Variants in KLHL32 observed in about 807,000 individuals in gnomAD.
KLHL32 encodes kelch like family member 32.
Under a neutral mutation model 64.8 loss-of-function variants are expected in KLHL32, and 35 were observed. That is an observed-to-expected ratio of 0.54 (90% CI 0.41 to 0.72). The LOEUF is 0.72. KLHL32 is among the 30% of genes least tolerant of loss of function. The pLI, the probability that KLHL32 is intolerant of heterozygous loss-of-function variation, is 0.00. For missense variants in KLHL32, 589 were observed against 768.5 expected (o/e 0.77, Z 2.76); for synonymous variants, 259 against 281.0 (o/e 0.92, Z 0.78).
In KLHL32 at chr6:97,018,556, A is replaced by G. The variant is rs1781550909; in HGVS notation, c.205-22936A>G. ...GCAGAGGTTGCAGCGAGCCGAGATC[A>G]CACCACTGTGCTCCAGCCTGGACGA... is the stretch of plus-strand genomic sequence containing the variant. On this transcript the variant is annotated intron_variant, in intron 3 of 10. Transcript: ENST00000369261. Among the ~76,000 whole-genome samples the G allele has an allele frequency of 2.0e-5, 3 of 151,200 alleles. No homozygotes were observed. In the South Asian group the frequency reaches 6.3e-4, roughly 32 times the overall value.
chr6:97,068,103 G>A (rs1790098284), intron 5 of KLHL32, among the ~76,000 whole-genome samples: 1 of 151,904 alleles, frequency 6.6e-6, no homozygotes, highest in Non-Finnish European at 1.5e-5. Flanking sequence ...TGAATTTTGT[G>A]TTACATCTCC....
intron 1 of KLHL32, among the ~76,000 whole-genome samples, chr6:96,937,815 G>A (rs1044152602): frequency 6.6e-6 from 1 of 152,102 alleles, no homozygotes; most frequent in Non-Finnish European, 1.5e-5. Context: ...CCTAGGGACT[G>A]TTGTCACTAA....
intron 3 of KLHL32, among the ~76,000 whole-genome samples, chr6:97,027,282 G>A (rs946014486): frequency 1.3e-5 from 2 of 152,102 alleles, no homozygotes; most frequent in African/African-American, 4.8e-5. Flanking sequence ...TTATACCCAT[G>A]ACAGACATTA....
upstream of KLHL32, among the ~76,000 whole-genome samples, chr6:96,921,484 T>C (rs1329195408): frequency 6.6e-6 from 1 of 152,194 alleles, no homozygotes; most frequent in East Asian, 1.9e-4. Flanking sequence ...TGTTATCCAC[T>C]TGAAAACTAG....
chr6:96,975,948 A>T, intron 2 of KLHL32, 49 bp from the exon 3 acceptor site: 1 of 1,450,540 alleles, frequency 6.9e-7, no homozygotes, highest in Non-Finnish European at 9.2e-7. Context: ...CAGCTGGCCC[A>T]CAGGGCTGGG....
chr6:96,927,662 G>T (rs1252491154), intron 1 of KLHL32, among the ~76,000 whole-genome samples: 3 of 152,160 alleles, frequency 2.0e-5, no homozygotes, highest in African/African-American at 7.2e-5. Flanking sequence ...ACTTCTCATG[G>T]TTCTCTTATT....
chr6:97,127,395 C>G lies in KLHL32; in HGVS notation c.1355-9C>G. The G allele has an allele frequency of 1.9e-6, 3 of 1,608,668 alleles. No homozygotes were observed. The highest frequency in any genetic ancestry group is 1.3e-5 in the African/African-American group (1 of 74,860). ...ATGAAAAGCTCTAACACATGTTAAT[C>G]CATTACAGGTGGAGTAACTAATACG... is the stretch of plus-strand genomic sequence containing the variant. On this transcript the variant is annotated splice_polypyrimidine_tract_variant and intron_variant, in intron 7 of 10. Transcript: ENST00000369261.
chr6:96,919,145 T>A, the KLHL32 span, among the ~76,000 whole-genome samples: 3 of 152,312 alleles, frequency 2.0e-5, no homozygotes, highest in African/African-American at 4.8e-5. Flanking sequence ...GGTTCCTGGC[T>A]TTACAAAAAG....
At chr6:96,966,885 A>G (rs2128033033) in intron 1 of KLHL32, 111 bp from the exon 2 acceptor site, 2 of 578,006 alleles carry the variant, frequency 3.5e-6, no homozygotes, top group Non-Finnish European at 6.4e-6. Context: ...TGGACAGTAA[A>G]GCTCTCCAAG....
chr6:96,941,760 T>C lies in KLHL32; in HGVS notation c.-66+16734T>C, dbSNP rs890261420. ...GTGTCACATAGCTGCCTTTTTTCTCTGATTTGTCCTTTACTGATCTCTTCC... is the reference window on the plus strand; with the variant it reads ...GTGTCACATAGCTGCCTTTTTTCTCCGATTTGTCCTTTACTGATCTCTTCC... On this transcript the variant is annotated intron_variant, in intron 1 of 10. Transcript: ENST00000369261. Among the ~76,000 whole-genome samples, 6 of 152,054 alleles carry C rather than the reference T, an allele frequency of 3.9e-5. 1 individual carries two copies. Among genetic ancestry groups the C allele is most frequent in the Admixed American group, 3.3e-4 (5 of 15,268 alleles).
intron 2 of KLHL32, among the ~76,000 whole-genome samples, chr6:96,968,861 A>G (rs1241556720): frequency 2.0e-5 from 3 of 151,976 alleles, no homozygotes; most frequent in African/African-American, 7.3e-5. Context: ...CTCACATCCC[A>G]TGTATTTCAA....
chr6:97,028,405 C>T (rs1192174329), intron 3 of KLHL32, among the ~76,000 whole-genome samples: 1 of 152,172 alleles, frequency 6.6e-6, no homozygotes, highest in Non-Finnish European at 1.5e-5. Flanking sequence ...ACAGGAGTCT[C>T]TTCTGGTCTT....
chr6:97,013,658 GTA>G (rs1244479103), intron 3 of KLHL32, among the ~76,000 whole-genome samples: 9 of 152,122 alleles, frequency 5.9e-5, no homozygotes, highest in Non-Finnish European at 1.0e-4. Flanking sequence ...AACAGCCTAA[GTA>G]TTAATTAAAA....
chr6:96,925,676 G>A (rs1003928578), intron 1 of KLHL32, among the ~76,000 whole-genome samples: 12 of 152,314 alleles, frequency 7.9e-5, no homozygotes, highest in African/African-American at 2.4e-4. Flanking sequence ...ACAAGAATGA[G>A]CTTCTATTGT....
At chr6:97,026,022 C>G (rs989587639) in intron 3 of KLHL32, among the ~76,000 whole-genome samples, 1 of 151,732 alleles carries the variant, frequency 6.6e-6, no homozygotes, top group Non-Finnish European at 1.5e-5. Context: ...GCTCATTTCA[C>G]CCAAGAGAAA....
Position 96,960,889 on chromosome 6 carries a change from A to G in KLHL32, c.-65-6107A>G, listed in dbSNP as rs111481699. Among the ~76,000 whole-genome samples the G allele has an allele frequency of 7.7e-3, 1,170 of 152,358 alleles. 6 individuals are homozygous for G. The highest frequency in any genetic ancestry group is 0.012 in the Non-Finnish European group (784 of 68,028). ...GAGTTTAATTATTGTCTAAAGACCT[A>G]GAATCAACAGAAAGGAATGTCTGGG... On this transcript the variant is annotated intron_variant, in intron 1 of 10. Coordinates refer to ENST00000369261, the MANE Select transcript of KLHL32 (RefSeq NM_052904.4).
chr6:96,933,877 G>A (rs929132510), intron 1 of KLHL32, among the ~76,000 whole-genome samples: 4 of 152,166 alleles, frequency 2.6e-5, no homozygotes, highest in Non-Finnish European at 5.9e-5. Context: ...GTTAGGCTAG[G>A]GGTTGACACA....
At chr6:97,056,119 T>G (rs2128141755) in intron 4 of KLHL32, among the ~76,000 whole-genome samples, 1 of 142,966 alleles carries the variant, frequency 7.0e-6, no homozygotes, top group East Asian at 2.0e-4. Context: ...TTTTTTTTTT[T>G]TTTTGAGATG....
rs748207321 is a variant in KLHL32, at chr6:97,056,837, G to A, written c.313-7791G>A. 2.7e-4 allele frequency among the ~76,000 whole-genome samples: 41 copies of A among 152,052 alleles called. 1 individual carries two copies. The highest frequency in any genetic ancestry group is 1.7e-3 in the Admixed American group (26 of 15,256). On this transcript the variant is annotated intron_variant, in intron 4 of 10. Coordinates refer to ENST00000369261, the MANE Select transcript of KLHL32 (RefSeq NM_052904.4). ...AAAGATCGTTTGAGCCCCGGAGCTC[G>A]ACACCAGGCTGGGCAACATAGCAAG...
Sources: allele counts gnomAD v4.1 joint callset (sites outside exome capture counted in the v4.1 genomes callset), GRCh38; gene constraint gnomAD v4.1.1; transcripts MANE v1.5; gene names NCBI Gene and HGNC (gene_info 2026-07-23, HGNC 2026-07-21).